The following ZNF529 variants were observed in gnomAD, a reference collection of about 807,000 sequenced individuals.
The protein encoded by ZNF529 is zinc finger protein 529.
A neutral mutation model predicts 10.1 loss-of-function variants in ZNF529; 11 were observed. That is an observed-to-expected ratio of 1.09 (90% confidence interval 0.69 to 1.81). The LOEUF (loss-of-function observed/expected upper bound fraction) is 1.81, where lower values mean the gene tolerates loss of function less well. Among genes scored for constraint, ZNF529 ranks in the 40% most tolerant of loss-of-function variants. The pLI is 0.00. For missense variants in ZNF529, 624 were observed against 666.8 expected (o/e 0.94, Z 0.71); for synonymous variants, 204 against 215.7 (o/e 0.95, Z 0.47).
At chr19:36,557,981 G>C (rs537824455) in intron 2 of ZNF529, among the ~76,000 whole-genome samples, 14 of 151,582 alleles carry the variant, frequency 9.2e-5, no homozygotes, top group African/African-American at 3.4e-4. Context: ...TATCAACAGA[G>C]ATAAAAATTA....
chr19:36,588,583 A>G (rs2036633142), intron 2 of ZNF529, among the ~76,000 whole-genome samples: 1 of 152,198 alleles, frequency 6.6e-6, no homozygotes, highest in South Asian at 2.1e-4. Flanking sequence ...ATTCTACCTC[A>G]GGAACATACT....
chr19:36,592,305 AAAG>A (rs1439485129), intron 1 of ZNF529, among the ~76,000 whole-genome samples: 2 of 149,352 alleles, frequency 1.3e-5, no homozygotes, highest in East Asian at 2.0e-4. Flanking sequence ...AAAAAAAAAA[AAAG>A]AAAGGCCTGG....
chr19:36,581,641 GAT>G (rs1175914994), intron 2 of ZNF529: 1 of 152,226 alleles, frequency 6.6e-6, no homozygotes, highest in Non-Finnish European at 1.5e-5. Flanking sequence ...CCTCCACATG[GAT>G]ATGAGTTCAT....
At chr19:36,604,297 C>T (rs891637775) in intron 1 of ZNF529, among the ~76,000 whole-genome samples, 3 of 152,148 alleles carry the variant, frequency 2.0e-5, no homozygotes, top group Admixed American at 1.3e-4. Flanking sequence ...ATATCAAACA[C>T]GAGGCTGTGC....
At chr19:36,583,336 CA>C (rs1242363227) in intron 2 of ZNF529, among the ~76,000 whole-genome samples, 1 of 152,052 alleles carries the variant, frequency 6.6e-6, no homozygotes, top group African/African-American at 2.4e-5. Flanking sequence ...AGATTTCAGG[CA>C]TGTGCCATGA....
intron 2 of ZNF529, among the ~76,000 whole-genome samples, chr19:36,571,688 A>AT (rs1329907157): frequency 1.3e-5 from 2 of 151,862 alleles, no homozygotes; most frequent in Non-Finnish European, 2.9e-5. Context: ...AAAAAAAAAA[A>AT]AAAGTGTCTA....
At chr19:36,579,384 C>A (rs1353289552) in intron 2 of ZNF529, among the ~76,000 whole-genome samples, 1 of 152,080 alleles carries the variant, frequency 6.6e-6, no homozygotes, top group African/African-American at 2.4e-5. Context: ...AAGAGCAGGT[C>A]ATTAGGAATT....
chr19:36,584,697 G>T (rs1036384555), intron 2 of ZNF529, among the ~76,000 whole-genome samples: 4 of 151,592 alleles, frequency 2.6e-5, no homozygotes, highest in African/African-American at 9.7e-5. Flanking sequence ...AACCCAGGAG[G>T]TGGTGGTTGC....
chr19:36,567,743 A>C (rs566278005), intron 2 of ZNF529, among the ~76,000 whole-genome samples: 1 of 152,180 alleles, frequency 6.6e-6, no homozygotes, highest in African/African-American at 2.4e-5. Context: ...CATCTGGCCT[A>C]TATTTGGCAA....
At chr19:36,593,521 C>T (rs2036773641) in intron 1 of ZNF529, among the ~76,000 whole-genome samples, 2 of 152,118 alleles carry the variant, frequency 1.3e-5, no homozygotes, top group South Asian at 2.1e-4. Flanking sequence ...ATCCGTCCAC[C>T]ATCTTTTGGA....
intron 2 of ZNF529, among the ~76,000 whole-genome samples, chr19:36,559,318 C>T (rs2035593087): frequency 6.6e-6 from 1 of 152,164 alleles, no homozygotes; most frequent in South Asian, 2.1e-4. Flanking sequence ...ACTCTTTTCC[C>T]CCTGCACCAA....
At chr19:36,564,703 C>T (rs1027213929) in intron 2 of ZNF529, among the ~76,000 whole-genome samples, 2 of 152,126 alleles carry the variant, frequency 1.3e-5, no homozygotes, top group Non-Finnish European at 2.9e-5. Context: ...TCTCAAATAA[C>T]TAAAAATAGA....
chr19:36,603,047 T>A (rs1243727446), intron 1 of ZNF529, among the ~76,000 whole-genome samples: 1 of 151,908 alleles, frequency 6.6e-6, no homozygotes, highest in African/African-American at 2.4e-5. Flanking sequence ...TCTTAACAGC[T>A]CTCTCTGCAC....
At chr19:36,578,059 A>ATTTTTTT (rs755942233), upstream of ZNF529, 14 of 89,288 alleles carry the variant, frequency 1.6e-4, no homozygotes, top group African/African-American at 3.9e-4. Context: ...TGTGGGGGAG[A>ATTTTTTT]TTTTTTTTTT....
intron 4 of ZNF529, among the ~76,000 whole-genome samples, chr19:36,548,627 C>T (rs1048684416): frequency 2.6e-5 from 4 of 152,288 alleles, no homozygotes; most frequent in Middle Eastern, 3.4e-3. Flanking sequence ...GTAATGCTAA[C>T]GCAGATCAAA....
chr19:36,547,802 C>T lies in ZNF529; in HGVS notation c.756G>A (p.Lys252=), dbSNP rs372940738. ...TTCTGTATTCCTTACATTTATAGAA[C>T]TTCTCATTATGAATTTTCTGGTATA... ...FNVYQKIHNE[K]FYKCKEYRRT... The change falls in exon 5 of 5, where the codon AAG becomes AAA. Residue 252 remains lysine, a synonymous_variant. Coordinates refer to ENST00000591340, the MANE Select transcript of ZNF529 (RefSeq NM_020951.5). The T allele has an allele frequency of 5.0e-6, 8 of 1,609,672 alleles. No homozygotes were observed. Among genetic ancestry groups the T allele is most frequent in the African/African-American group, 1.3e-5 (1 of 74,620 alleles).
rs2034977376 is a variant in ZNF529, at chr19:36,545,501, A to C, written c.*1365T>G. 1 of 151,992 alleles carries C rather than the reference A, an allele frequency of 6.6e-6. No individual in the cohort carries two copies. The highest frequency in any genetic ancestry group is 1.5e-5 in the Non-Finnish European group (1 of 68,114). The allele number at this position is 151,992 out of a possible 1,614,324, so 9.4% of individuals were successfully genotyped here. ...AGACTGCGCCACTGCACTCCAGCCT[A>C]GGCAACAAGAGCAAAACTCTGTCTA... On this transcript the variant is annotated 3_prime_UTR_variant, in exon 5 of 5. Coordinates refer to ENST00000591340, the MANE Select transcript of ZNF529 (RefSeq NM_020951.5).
intron 1 of ZNF529, chr19:36,594,206 G>A (rs1422237238): frequency 1.3e-5 from 2 of 152,164 alleles, no homozygotes; most frequent in East Asian, 3.9e-4. Flanking sequence ...AATGGCATCA[G>A]GAATGATCAG....
rs548552480 is a variant in ZNF529 at position 36,592,122 on chromosome 19, GA to G, written c.-127-2422del. Among the ~76,000 whole-genome samples, 566 of 137,506 alleles carry G rather than the reference GA, an allele frequency of 4.1e-3. 1 individual carries two copies. The highest frequency in any genetic ancestry group is 6.4e-3 in the Non-Finnish European group (402 of 62,894). The allele number at this position is 137,506 out of a possible 152,430, so 90.2% of individuals were successfully genotyped here. ...AAACCCTGTCTCTACTAAAAATACA[GA>G]AAAAAAAAAAAATTAGCCAGGCATG... is the stretch of plus-strand genomic sequence containing the variant. On this transcript the variant is annotated intron_variant, in intron 1 of 4. Coordinates refer to the ZNF529 transcript ENST00000585960.
Sources: allele counts gnomAD v4.1 joint callset (sites outside exome capture counted in the v4.1 genomes callset), GRCh38; gene constraint gnomAD v4.1.1; transcripts MANE v1.5; gene names NCBI Gene and HGNC (gene_info 2026-07-23, HGNC 2026-07-21).